The following MYO3B variants were observed in gnomAD, a reference collection of about 807,000 sequenced individuals.
MYO3B encodes the protein myosin IIIB, also known as myosin-IIIb.
MYO3B carries 156 observed loss-of-function variants against 174.6 expected under a neutral mutation model. The ratio of observed to expected loss-of-function variants is 0.89; its 90% CI spans 0.78 to 1.02. The LOEUF is 1.02. Ranked by LOEUF, MYO3B falls within the 50% of genes least tolerant of loss-of-function variation. The probability of loss-of-function intolerance (pLI) is 0.00; values close to 1 mark genes in which losing one functional copy is unlikely to be tolerated. For synonymous variants in MYO3B, 563 were observed against 569.1 expected (o/e 0.99, Z 0.15); for missense variants, 1,632 against 1,639.4 (o/e 1.00, Z 0.08).
chr2:170,379,276 C>T (rs946106311), intron 9 of MYO3B, among the ~76,000 whole-genome samples: 14 of 150,336 alleles, frequency 9.3e-5, no homozygotes, highest in South Asian at 4.2e-4. Context: ...CTCACTGCAA[C>T]CTCTGCCTCC....
In MYO3B at chr2:170,200,192, T is replaced by C. The variant is rs750651263; in HGVS notation, c.229T>C (p.Phe77Leu). 11 of 1,613,560 alleles carry C rather than the reference T, an allele frequency of 6.8e-6. No homozygotes were observed. The African/African-American group carries it at 9.3e-5, about 14-fold the overall frequency. The change falls in exon 3 of 35, where the codon TTC (phenylalanine) becomes CTC (leucine). Residue 77 changes from phenylalanine to leucine, a missense_variant. Physicochemically the swap from Phe to Leu is conservative, Grantham distance 22. Transcript: ENST00000408978. ...TGAGGCAGAATACAACATTTTGCAGTTCCTTCCTAATCATCCCAATGTTGT... is the reference window on the plus strand; with the variant it reads ...TGAGGCAGAATACAACATTTTGCAGCTCCTTCCTAATCATCCCAATGTTGT... ...EIEAEYNILQFLPNHPNVVKF... is the reference protein window; with the variant it reads ...EIEAEYNILQLLPNHPNVVKF...
intron 28 of MYO3B, among the ~76,000 whole-genome samples, chr2:170,508,989 T>A (rs2106108561): frequency 6.7e-6 from 1 of 150,188 alleles, no homozygotes; most frequent in East Asian, 2.0e-4. Context: ...CTCTCTGTAC[T>A]CCCTTCCTAA....
At chr2:170,485,992 G>C (rs920633595) in intron 25 of MYO3B, among the ~76,000 whole-genome samples, 7 of 150,724 alleles carry the variant, frequency 4.6e-5, no homozygotes, top group Non-Finnish European at 8.9e-5. Flanking sequence ...TTCTGATTCA[G>C]TGAGAAAGAA....
intron 9 of MYO3B, among the ~76,000 whole-genome samples, chr2:170,371,028 C>A (rs2094239758): frequency 6.6e-6 from 1 of 151,676 alleles, no homozygotes; most frequent in South Asian, 2.1e-4. Flanking sequence ...AACAGCCTGG[C>A]CAACATGGTG....
rs945640992 is a variant in MYO3B at position 170,479,536 on chromosome 2, A to G, written c.3014+12825A>G. 5.5e-5 allele frequency among the ~76,000 whole-genome samples: 8 copies of G among 146,028 alleles called. No homozygotes were observed. The East Asian group carries it at 1.6e-3, about 29-fold the overall frequency. Reference sequence around the variant, plus strand: ...ATATACATCTATATAATAGAGGTGTATTTTATATATATTTTATATAAATGT... The same window carrying G: ...ATATACATCTATATAATAGAGGTGTGTTTTATATATATTTTATATAAATGT... On this transcript the variant is annotated intron_variant, in intron 25 of 34. Transcript: ENST00000408978.
intron 16 of MYO3B, among the ~76,000 whole-genome samples, chr2:170,397,246 C>T (rs965487589): frequency 6.6e-6 from 1 of 152,200 alleles, no homozygotes; most frequent in African/African-American, 2.4e-5. Flanking sequence ...GTAGCATTAT[C>T]AGGTATCCAG....
intron 7 of MYO3B, among the ~76,000 whole-genome samples, chr2:170,261,422 G>A (rs929076644): frequency 5.3e-5 from 8 of 152,158 alleles, no homozygotes; most frequent in African/African-American, 1.9e-4. Context: ...ACATGGTGGC[G>A]AGCACCTGTT....
chr2:170,572,545 C>G (rs1372235887), intron 32 of MYO3B, among the ~76,000 whole-genome samples: 1 of 149,596 alleles, frequency 6.7e-6, no homozygotes, highest in Non-Finnish European at 1.5e-5. Context: ...AGAACAGGAG[C>G]TTGAGGCTGC....
chr2:170,649,399 AATATAAAATATTACATATAAAATAT>A (rs1559202771), intron 32 of MYO3B, among the ~76,000 whole-genome samples: 1 of 115,174 alleles, frequency 8.7e-6, no homozygotes, highest in African/African-American at 3.2e-5. Context: ...AAAAATATAA[AATATAAAATATTACATATAAAATAT>A]ATATAATATA....
chr2:170,380,965 TA>T (rs932095116), intron 9 of MYO3B, among the ~76,000 whole-genome samples: 1 of 152,040 alleles, frequency 6.6e-6, no homozygotes, highest in African/African-American at 2.4e-5. Context: ...AAAATAATTT[TA>T]AAAAATTAGC....
intron 7 of MYO3B, among the ~76,000 whole-genome samples, chr2:170,322,357 C>T (rs1021432786): frequency 2.0e-5 from 3 of 152,154 alleles, no homozygotes; most frequent in African/African-American, 7.2e-5. Flanking sequence ...CTTACAATGT[C>T]AGAAAAATAA....
At chr2:170,445,229 C>T (rs145085509) in intron 23 of MYO3B, among the ~76,000 whole-genome samples, 1 of 152,092 alleles carries the variant, frequency 6.6e-6, no homozygotes, top group African/African-American at 2.4e-5. Context: ...ATTGAACTCA[C>T]AATCAATAGC....
chr2:170,491,569 G>T (rs7576215), intron 25 of MYO3B, among the ~76,000 whole-genome samples: 13,409 of 152,172 alleles, frequency 0.088, 1,443 homozygotes, highest in African/African-American at 0.26. Context: ...GGGACTATAG[G>T]TGCCCGCCAC....
chr2:170,427,005 G>A (rs531781862), intron 22 of MYO3B, among the ~76,000 whole-genome samples: 40 of 150,410 alleles, frequency 2.7e-4, no homozygotes, highest in African/African-American at 9.3e-4. Context: ...GTGATAGTGC[G>A]AGACTCAGTC....
At chr2:170,217,099 C>T (rs1211927844) in intron 5 of MYO3B, among the ~76,000 whole-genome samples, 1 of 151,738 alleles carries the variant, frequency 6.6e-6, no homozygotes, top group Non-Finnish European at 1.5e-5. Flanking sequence ...ATTTCAGCAT[C>T]TATAAATAAA....
chr2:170,537,106 C>G (rs917167232), intron 30 of MYO3B, among the ~76,000 whole-genome samples: 1 of 148,806 alleles, frequency 6.7e-6, no homozygotes, highest in South Asian at 2.1e-4. Flanking sequence ...GAGGCTGAGG[C>G]AGGAGAATCG....
At chr2:170,626,226 A>G (rs1316763463) in intron 32 of MYO3B, among the ~76,000 whole-genome samples, 4 of 152,114 alleles carry the variant, frequency 2.6e-5, no homozygotes, top group Non-Finnish European at 4.4e-5. Flanking sequence ...TGCTTTATGA[A>G]TCTGGGTGCT....
intron 8 of MYO3B, among the ~76,000 whole-genome samples, chr2:170,366,558 G>A (rs2094200097): frequency 6.6e-6 from 1 of 152,166 alleles, no homozygotes; most frequent in Non-Finnish European, 1.5e-5. Flanking sequence ...CTCCCAAAGT[G>A]TTGGGATTAT....
rs1159522438 is a variant in MYO3B at position 170,498,572 on chromosome 2, T to C, written c.3015-20T>C. Reference sequence around the variant, plus strand: ...CAAATGGTGACTGAAAAGGCTTCACTTAATTCTTTTATTTTGCAGGTATTA... The same window carrying C: ...CAAATGGTGACTGAAAAGGCTTCACCTAATTCTTTTATTTTGCAGGTATTA... On this transcript the variant is annotated intron_variant, in intron 25 of 34. Coordinates refer to ENST00000408978, the MANE Select transcript of MYO3B (RefSeq NM_138995.5). 1.3e-6 allele frequency: 2 copies of C among 1,573,060 alleles called. No individual in the cohort carries two copies. The highest frequency in any genetic ancestry group is 2.7e-5 in the African/African-American group (2 of 74,094).
Sources: allele counts gnomAD v4.1 joint callset (sites outside exome capture counted in the v4.1 genomes callset), GRCh38; gene constraint gnomAD v4.1.1; transcripts MANE v1.5; gene names NCBI Gene and HGNC (gene_info 2026-07-23, HGNC 2026-07-21).